Variants in ZRANB3 observed in about 807,000 individuals in gnomAD.
ZRANB3 encodes the protein DNA annealing helicase and endonuclease ZRANB3.
ZRANB3 carries 125 observed loss-of-function variants against 133.8 expected under a neutral mutation model. The ratio of observed to expected loss-of-function variants is 0.93; its 90% CI spans 0.81 to 1.08. The LOEUF (loss-of-function observed/expected upper bound fraction) is 1.08, where lower values mean the gene tolerates loss of function less well. Among genes scored for constraint, ZRANB3 ranks in the 50% least tolerant of loss-of-function variants. The probability of loss-of-function intolerance (pLI) is 0.00; values close to 1 mark genes in which losing one functional copy is unlikely to be tolerated. For missense variants in ZRANB3, 1,229 were observed against 1,275.5 expected (o/e 0.96, Z 0.56); for synonymous variants, 387 against 432.7 (o/e 0.89, Z 1.31).
At chr2:135,449,784 GTC>G (rs1026056000) in intron 2 of ZRANB3, among the ~76,000 whole-genome samples, 3 of 151,876 alleles carry the variant, frequency 2.0e-5, no homozygotes, top group Non-Finnish European at 2.9e-5. Context: ...TTGAGGCAGG[GTC>G]TCTCTCTATC....
intron 2 of ZRANB3, among the ~76,000 whole-genome samples, chr2:135,409,875 A>G (rs576911834): frequency 6.6e-6 from 1 of 152,324 alleles, no homozygotes; most frequent in African/African-American, 2.4e-5. Context: ...CCCATTTACA[A>G]TAGCCACACA....
At chr2:135,216,576 A>T (rs1694321282) in intron 17 of ZRANB3, among the ~76,000 whole-genome samples, 1 of 151,458 alleles carries the variant, frequency 6.6e-6, no homozygotes, top group African/African-American at 2.4e-5. Flanking sequence ...AGTAGCTAGA[A>T]CTATAGGAGT....
At chr2:135,316,059 C>T (rs1683237264) in intron 6 of ZRANB3, among the ~76,000 whole-genome samples, 1 of 152,144 alleles carries the variant, frequency 6.6e-6, no homozygotes, top group Non-Finnish European at 1.5e-5. Flanking sequence ...CTTTCTAACC[C>T]TTTCCTGGAT....
chr2:135,457,549 T>A (rs1325750973), intron 2 of ZRANB3, among the ~76,000 whole-genome samples: 5 of 152,168 alleles, frequency 3.3e-5, no homozygotes, highest in Non-Finnish European at 7.4e-5. Flanking sequence ...TTATTGGCAA[T>A]TTGTATATCC....
rs572827246 is a variant in ZRANB3 at position 135,516,108 on chromosome 2, C to CT, written c.-7-11613dup. 5.1e-3 allele frequency among the ~76,000 whole-genome samples: 751 copies of CT among 146,096 alleles called. 4 individuals carry two copies. The highest frequency in any genetic ancestry group is 0.013 in the African/African-American group (530 of 40,018). On this transcript the variant is annotated intron_variant, in intron 1 of 20. Coordinates refer to ENST00000264159, the MANE Select transcript of ZRANB3 (RefSeq NM_032143.4). ...ACTAGGATTGCAACCCCTGTTTTTT[C>CT]TTTTTTTTTTGGCTTTCCATTTGCT...
intron 1 of ZRANB3, among the ~76,000 whole-genome samples, chr2:135,524,643 G>A (rs1012026950): frequency 2.6e-5 from 4 of 151,940 alleles, no homozygotes; most frequent in African/African-American, 7.3e-5. Flanking sequence ...AAAGAAGAGC[G>A]GGAACACACC....
chr2:135,429,487 T>A (rs913410665), intron 2 of ZRANB3, among the ~76,000 whole-genome samples: 4 of 152,100 alleles, frequency 2.6e-5, no homozygotes, highest in Admixed American at 2.0e-4. Context: ...TTTACCAGTA[T>A]AAGAAACCTG....
intron 15 of ZRANB3, among the ~76,000 whole-genome samples, chr2:135,221,534 T>C (rs1046674530): frequency 2.0e-5 from 3 of 152,178 alleles, no homozygotes; most frequent in African/African-American, 7.2e-5. Flanking sequence ...AGAGCTTTCA[T>C]TGTATAGAGT....
chr2:135,482,599 G>A (rs372739992), intron 2 of ZRANB3, among the ~76,000 whole-genome samples: 3 of 151,972 alleles, frequency 2.0e-5, no homozygotes, highest in African/African-American at 7.3e-5. Flanking sequence ...CTAATTGAAT[G>A]CCCTTTATTT....
intron 3 of ZRANB3, among the ~76,000 whole-genome samples, chr2:135,374,325 G>C (rs1196047787): frequency 6.6e-6 from 1 of 151,978 alleles, no homozygotes; most frequent in African/African-American, 2.4e-5. Context: ...AGAACTGCTT[G>C]AACCCAGGAT....
intron 8 of ZRANB3, among the ~76,000 whole-genome samples, chr2:135,285,091 C>T (rs552724177): frequency 1.3e-5 from 2 of 152,122 alleles, no homozygotes; most frequent in African/African-American, 2.4e-5. Context: ...GTGATCCACC[C>T]GCCTTGGCCT....
At chr2:135,515,445 A>T (rs1268080760) in intron 1 of ZRANB3, among the ~76,000 whole-genome samples, 1 of 152,128 alleles carries the variant, frequency 6.6e-6, no homozygotes, top group Non-Finnish European at 1.5e-5. Context: ...CCCTCTACAC[A>T]CTGCTTTAGC....
chr2:135,201,672 A>G (rs575306387), intron 20 of ZRANB3, among the ~76,000 whole-genome samples: 1 of 152,184 alleles, frequency 6.6e-6, no homozygotes, highest in South Asian at 2.1e-4. Context: ...CTCAAAAAAA[A>G]AAAAAAAAAG....
At chr2:135,229,310 G>A (rs1248048560) in intron 13 of ZRANB3, among the ~76,000 whole-genome samples, 1 of 151,910 alleles carries the variant, frequency 6.6e-6, no homozygotes, top group African/African-American at 2.4e-5. Context: ...CAAGGCAAGA[G>A]GAAGGAACTG....
chr2:135,401,925 C>G (rs896424558), intron 2 of ZRANB3, among the ~76,000 whole-genome samples: 2 of 152,088 alleles, frequency 1.3e-5, no homozygotes, highest in South Asian at 4.1e-4. Context: ...CATAAAACCT[C>G]AATAGCATCA....
intron 5 of ZRANB3, among the ~76,000 whole-genome samples, chr2:135,346,391 C>T (rs769309453): frequency 7.9e-5 from 12 of 152,190 alleles, no homozygotes; most frequent in Non-Finnish European, 5.9e-5. Flanking sequence ...TGAGCCACCA[C>T]GCCCAGCCTA....
At chr2:135,325,812 C>T (rs992587443) in intron 6 of ZRANB3, among the ~76,000 whole-genome samples, 1 of 152,150 alleles carries the variant, frequency 6.6e-6, no homozygotes, top group East Asian at 1.9e-4. Context: ...AAAAGAGAGG[C>T]TTTAGATATC....
At position 135,346,995 on chromosome 2, in the gene ZRANB3, G is replaced by T. The variant is rs141331492; in HGVS notation, c.592-1360C>A. Among the ~76,000 whole-genome samples the T allele has an allele frequency of 4.0e-4, 61 of 152,226 alleles. 1 individual carries two copies. The East Asian group carries it at 8.9e-3, about 22-fold the overall frequency. On this transcript the variant is annotated intron_variant, in intron 5 of 20. Transcript: ENST00000264159. ...CTACTAACCCACTTTCTGTTTCTATGAATTTGCCTATTCTGGGCATTTCAT... is the reference window on the plus strand; with the variant it reads ...CTACTAACCCACTTTCTGTTTCTATTAATTTGCCTATTCTGGGCATTTCAT...
chr2:135,382,038 C>T (rs1430048900), intron 3 of ZRANB3, among the ~76,000 whole-genome samples: 3 of 152,108 alleles, frequency 2.0e-5, no homozygotes, highest in African/African-American at 7.2e-5. Context: ...GACGATCAAA[C>T]TTCTTCGAGC....
Sources: allele counts gnomAD v4.1 joint callset (sites outside exome capture counted in the v4.1 genomes callset), GRCh38; gene constraint gnomAD v4.1.1; transcripts MANE v1.5; gene names NCBI Gene and HGNC (gene_info 2026-07-23, HGNC 2026-07-21).